The following ADGRF1 variants were observed in gnomAD, a reference collection of about 807,000 sequenced individuals.
ADGRF1 encodes the protein adhesion G protein-coupled receptor F1.
Under a neutral mutation model 87.2 loss-of-function variants are expected in ADGRF1, and 85 were observed. The ratio of observed to expected loss-of-function variants is 0.97; its 90% CI spans 0.82 to 1.17. The LOEUF is 1.17. Among genes scored for constraint, ADGRF1 ranks in the 50% most tolerant of loss-of-function variants. The pLI, the probability that ADGRF1 is intolerant of heterozygous loss-of-function variation, is 0.00. For synonymous variants in ADGRF1, 430 were observed against 408.8 expected, an observed-to-expected ratio of 1.05 and a Z score of -0.63; for missense variants, 1,169 against 1,077.2, an observed-to-expected ratio of 1.09 and a Z score of -1.19.
intron 13 of ADGRF1, among the ~76,000 whole-genome samples, chr6:47,004,609 T>C (rs945793789): frequency 6.6e-6 from 1 of 152,222 alleles, no homozygotes; most frequent in African/African-American, 2.4e-5. Flanking sequence ...TCTCATTATA[T>C]TCACTAAAGG....
At chr6:47,027,099 T>C (rs981780264) in intron 3 of ADGRF1, among the ~76,000 whole-genome samples, 4 of 152,250 alleles carry the variant, frequency 2.6e-5, no homozygotes, top group Non-Finnish European at 5.9e-5. Flanking sequence ...CAAATAGTCC[T>C]GCCACATAGT....
chr6:47,031,599 G>T (rs747197135), intron 1 of ADGRF1, among the ~76,000 whole-genome samples: 3 of 152,138 alleles, frequency 2.0e-5, no homozygotes, highest in Non-Finnish European at 4.4e-5. Flanking sequence ...TTTCAGACAA[G>T]TGAGGAAGGG....
In ADGRF1 at chr6:47,009,938, A is replaced by G. The variant is rs1357441336; in HGVS notation, c.1497T>C (p.Ala499=). 6.2e-7 allele frequency: 1 copy of G among 1,614,150 alleles called. No individual in the cohort carries two copies. The highest frequency in any genetic ancestry group is 1.7e-5 in the Admixed American group (1 of 60,020). Residue 499 remains alanine, a synonymous_variant, in exon 11 of 15, where the codon GCT becomes GCC. Coordinates refer to ENST00000371253, the MANE Select transcript of ADGRF1 (RefSeq NM_153840.4). ...TGGATATCACAGGTCCATTGACCTG[A>G]GCATTTCCATTTTTGGAAACGGGTA... ...NILPVSKNGN[A]QVNGPVISTV...
At chr6:47,031,541 G>A (rs919682559) in intron 1 of ADGRF1, among the ~76,000 whole-genome samples, 2 of 151,986 alleles carry the variant, frequency 1.3e-5, no homozygotes, top group Non-Finnish European at 2.9e-5. Flanking sequence ...ATATATTCTG[G>A]CATCCTTGGA....
At position 47,009,752 on chromosome 6, in the gene ADGRF1, G is replaced by A. The variant is rs770408030; in HGVS notation, c.1683C>T (p.Cys561=). ...AGAAGGAGGTCAAGTGAGTACATTG[G>A]CACGTCACGATGTCTTGAGTTTCAT... ...LVNETQDIVT[C]QCTHLTSFSI... The change falls in exon 11 of 15, where the codon TGC becomes TGT. Residue 561 remains cysteine, a synonymous_variant. Coordinates refer to ENST00000371253, the MANE Select transcript of ADGRF1 (RefSeq NM_153840.4). 1.1e-5 allele frequency: 18 copies of A among 1,614,158 alleles called. No homozygotes were observed. The highest frequency in any genetic ancestry group is 1.6e-4 in the Middle Eastern group (1 of 6,062).
rs148832265 is a variant in ADGRF1 at position 47,006,765 on chromosome 6, A to G, written c.2532+488T>C. 1.2e-4 allele frequency among the ~76,000 whole-genome samples: 19 copies of G among 152,340 alleles called. No homozygotes were observed. The South Asian group carries it at 2.1e-3, about 17-fold the overall frequency. On this transcript the variant is annotated intron_variant, in intron 12 of 14. Coordinates refer to ENST00000371253, the MANE Select transcript of ADGRF1 (RefSeq NM_153840.4). ...AAAGCTTATCACCCACTTATGAGTG[A>G]AAATATACAATGCTTGGTTTTCCAT...
intron 9 of ADGRF1, chr6:47,014,325 T>C: frequency 8.8e-6 from 9 of 1,018,182 alleles, no homozygotes; most frequent in Non-Finnish European, 1.1e-5. Context: ...GGCTTATGAC[T>C]CACACCTTCA....
rs1561867078 is a variant in ADGRF1 at position 47,009,508 on chromosome 6, C to G, written c.1927G>C (p.Val643Leu). Residue 643 changes from valine to leucine, a missense_variant, in exon 11 of 15, where the codon GTT (valine) becomes CTT (leucine). Coordinates refer to ENST00000371253, the MANE Select transcript of ADGRF1 (RefSeq NM_153840.4). ...SLLIADVWFI[V>L]GATVDTTVNP... The stretch of plus-strand genomic sequence containing the variant: ...ACCGTGGTGTCCACTGTGGCACCAA[C>G]AATAAACCAGACATCAGCAATCAAG... 1 of 1,613,890 alleles carries G rather than the reference C, an allele frequency of 6.2e-7. No homozygotes were observed. Among genetic ancestry groups the G allele is most frequent in the Non-Finnish European group, 8.5e-7 (1 of 1,179,970 alleles).
Position 46,999,970 on chromosome 6 carries a change from T to G in ADGRF1, c.*252A>C, listed in dbSNP as rs1779316163. The G allele has an allele frequency of 2.5e-6, 1 of 396,712 alleles. No homozygotes were observed. The highest frequency in any genetic ancestry group is 4.6e-6 in the Non-Finnish European group (1 of 216,486). The allele number at this position is 396,712 out of a possible 1,614,324, so 24.6% of individuals were successfully genotyped here. A position where few individuals can be genotyped will look rare whatever the true frequency, so the allele number is the denominator to read the frequency against. ...ATGGTCAGGGTACAACTGACACGAT[T>G]TCCAACAAAACCTACTCTTCTGCAT... On this transcript the variant is annotated 3_prime_UTR_variant, in exon 15 of 15. Coordinates refer to ENST00000371253, the MANE Select transcript of ADGRF1 (RefSeq NM_153840.4).
At chr6:47,016,174 G>T (rs1393795299) in intron 8 of ADGRF1, among the ~76,000 whole-genome samples, 1 of 152,170 alleles carries the variant, frequency 6.6e-6, no homozygotes, top group Non-Finnish European at 1.5e-5. Flanking sequence ...GCGTAAGATT[G>T]AATGTAAAAG....
rs76640883 is a variant in ADGRF1 at position 47,000,370 on chromosome 6, C to A, written c.2660-75G>T. On this transcript the variant is annotated intron_variant, in intron 14 of 14. Transcript: ENST00000371253. ...AGCATGAGACCAAAATGAAAATTAG[C>A]CTGTAGATTATTTCACAACTAGGAA... The A allele has an allele frequency of 5.4e-4, 589 of 1,080,866 alleles. 6 individuals are homozygous for A. The East Asian group carries it at 0.013, about 25-fold the overall frequency. The allele number at this position is 1,080,866 out of a possible 1,614,324, so 67.0% of individuals were successfully genotyped here.
chr6:47,039,260 T>G (rs562629437), intron 1 of ADGRF1, among the ~76,000 whole-genome samples: 32 of 152,376 alleles, frequency 2.1e-4, no homozygotes, highest in Non-Finnish European at 2.9e-4. Flanking sequence ...ATAATGCTCA[T>G]CAATAAAATG....
chr6:47,021,586 C>G (rs192726689), intron 6 of ADGRF1, among the ~76,000 whole-genome samples: 1 of 152,114 alleles, frequency 6.6e-6, no homozygotes, highest in African/African-American at 2.4e-5. Context: ...GTCTCGAACT[C>G]CTGACCTCAA....
At chr6:47,032,211 C>T (rs148257380) in intron 1 of ADGRF1, among the ~76,000 whole-genome samples, 3 of 152,308 alleles carry the variant, frequency 2.0e-5, no homozygotes, top group Non-Finnish European at 2.9e-5. Context: ...AAGATTTCTC[C>T]ACCTAGCCTG....
At chr6:47,030,769 C>CT (rs139445789) in intron 1 of ADGRF1, among the ~76,000 whole-genome samples, 3,604 of 151,892 alleles carry the variant, frequency 0.024, 204 homozygotes, top group East Asian at 0.19. Flanking sequence ...TTTTTCTTCA[C>CT]TCTTTTTTTT....
At chr6:47,004,791 T>C (rs1451834029) in intron 13 of ADGRF1, among the ~76,000 whole-genome samples, 1 of 152,200 alleles carries the variant, frequency 6.6e-6, no homozygotes, top group Non-Finnish European at 1.5e-5. Context: ...CCAACATTTA[T>C]TTTCTACAGT....
chr6:47,007,422 G>T, intron 11 of ADGRF1, 128 bp from the exon 12 acceptor site: 1 of 556,730 alleles, frequency 1.8e-6, no homozygotes, highest in Non-Finnish European at 3.2e-6. Context: ...TTAAGAGACT[G>T]TAGTCTCCTT....
rs766210397 is a variant in ADGRF1, at chr6:47,009,060, C to G, written c.2375G>C (p.Ser792Thr). 6.2e-7 allele frequency: 1 copy of G among 1,614,110 alleles called. No homozygotes were observed. The highest frequency in any genetic ancestry group is 8.5e-7 in the Non-Finnish European group (1 of 1,180,024). ...TAGCAGAGGGGTCAGAATGAGGAGG[C>G]TCTTCCCCACGCGGATGATGGTGGC... is the stretch of plus-strand genomic sequence containing the variant. ...DKATIIRVGK[S>T]LLILTPLLGL... The change falls in exon 11 of 15, where the codon AGC (serine) becomes ACC (threonine). Residue 792 changes from serine (S) to threonine (T), a missense_variant. Ser to Thr is a moderately conservative substitution (Grantham distance 58, BLOSUM62 1). Transcript: ENST00000371253.
chr6:47,026,484 G>A (rs562251257), intron 3 of ADGRF1, among the ~76,000 whole-genome samples: 62 of 151,996 alleles, frequency 4.1e-4, no homozygotes, highest in African/African-American at 1.5e-3. Context: ...CGTTAGCTGC[G>A]TGTGGGTATT....
Sources: gnomAD v4.1 joint callset for allele counts (sites outside exome capture counted in the v4.1 genomes callset) on GRCh38, gnomAD v4.1.1 for gene constraint, MANE v1.5 for transcripts, NCBI Gene and HGNC (gene_info 2026-07-23, HGNC 2026-07-21) for gene names.